CHN2: variants seen among roughly 807,000 people sequenced by gnomAD.
CHN2 encodes the protein chimerin 2, also known as beta-chimaerin.
A neutral mutation model predicts 56.3 loss-of-function variants in CHN2; 35 were observed. That is an observed-to-expected ratio of 0.62 (90% CI 0.47 to 0.82). The LOEUF (loss-of-function observed/expected upper bound fraction) is 0.82. Among genes scored for constraint, CHN2 ranks in the 40% least tolerant of loss-of-function variants. The pLI, the probability that CHN2 is intolerant of heterozygous loss-of-function variation, is 0.00. For missense variants in CHN2, 491 were observed against 580.5 expected, an observed-to-expected ratio of 0.85 and a Z score of 1.58; for synonymous variants, 210 against 212.8, an observed-to-expected ratio of 0.99 and a Z score of 0.12.
intron 1 of CHN2, among the ~76,000 whole-genome samples, chr7:29,292,398 G>T (rs1792708241): frequency 6.6e-6 from 1 of 152,180 alleles, no homozygotes; most frequent in Non-Finnish European, 1.5e-5. Flanking sequence ...AGAAAAAATA[G>T]TTAAAAGGAC....
intron 6 of CHN2, among the ~76,000 whole-genome samples, chr7:29,427,777 C>T (rs543352478): frequency 6.6e-6 from 1 of 151,544 alleles, no homozygotes; most frequent in Non-Finnish European, 1.5e-5. Flanking sequence ...CTGCCTAAGC[C>T]TCCTGAGTAG....
chr7:29,359,359 A>C (rs1798556293), intron 2 of CHN2, among the ~76,000 whole-genome samples: 1 of 152,210 alleles, frequency 6.6e-6, no homozygotes, highest in Non-Finnish European at 1.5e-5. Flanking sequence ...TCAATATTTT[A>C]TATAAATTAT....
At position 29,513,318 on chromosome 7, in the gene CHN2, CAGT is replaced by C. The variant is rs1312561250; in HGVS notation, c.*584_*586del. On this transcript the variant is annotated 3_prime_UTR_variant, in exon 13 of 13. Coordinates refer to ENST00000222792, the MANE Select transcript of CHN2 (RefSeq NM_004067.4). The stretch of plus-strand genomic sequence containing the variant: ...TATCTTGACATACCTCTGTCCTCCT[CAGT>C]GCTTTTTAATGAAATTTCACCTGCC... The C allele has an allele frequency of 6.5e-6, 1 of 152,730 alleles. No homozygotes were observed. Among genetic ancestry groups the C allele is most frequent in the African/African-American group, 2.4e-5 (1 of 41,454 alleles). 9.5% of individuals were successfully genotyped at this position (152,730 alleles called of 1,614,324 possible).
chr7:29,376,853 T>C (rs1405568860), intron 3 of CHN2, among the ~76,000 whole-genome samples: 1 of 152,212 alleles, frequency 6.6e-6, no homozygotes, highest in African/African-American at 2.4e-5. Flanking sequence ...TGTACTCTTT[T>C]ATGTTGCAGA....
intron 6 of CHN2, among the ~76,000 whole-genome samples, chr7:29,429,924 G>A (rs1278017780): frequency 6.6e-6 from 1 of 152,172 alleles, no homozygotes; most frequent in Non-Finnish European, 1.5e-5. Context: ...TTCATATGCT[G>A]TTTGTGTTAT....
chr7:29,383,505 G>C (rs1485336847), intron 3 of CHN2, among the ~76,000 whole-genome samples: 2 of 152,204 alleles, frequency 1.3e-5, no homozygotes, highest in Non-Finnish European at 2.9e-5. Context: ...CAGTCATTGA[G>C]TCAAAGGCTA....
intron 1 of CHN2, among the ~76,000 whole-genome samples, chr7:29,297,271 A>AC (rs1045185664): frequency 1.7e-4 from 26 of 151,808 alleles, no homozygotes; most frequent in African/African-American, 6.1e-4. Context: ...CTGTGGCCTC[A>AC]CCCCCCATTC....
At chr7:29,203,369 A>C (rs1422362504) in intron 1 of CHN2, among the ~76,000 whole-genome samples, 1 of 146,832 alleles carries the variant, frequency 6.8e-6, no homozygotes, top group Non-Finnish European at 1.5e-5. Context: ...CAGGAGGCTG[A>C]GGCACAAGAA....
intron 6 of CHN2, among the ~76,000 whole-genome samples, chr7:29,474,542 A>T (rs1219545818): frequency 6.6e-6 from 1 of 152,156 alleles, no homozygotes; most frequent in Non-Finnish European, 1.5e-5. Context: ...CACCCTCATC[A>T]TCATTCGTAA....
intron 9 of CHN2, among the ~76,000 whole-genome samples, chr7:29,501,799 C>G (rs894301365): frequency 2.0e-5 from 3 of 152,154 alleles, no homozygotes; most frequent in African/African-American, 7.2e-5. Flanking sequence ...CATAAAAAAT[C>G]CTTATTGTTC....
At chr7:29,192,357 T>C (rs1404906919), upstream of CHN2, 1 of 152,190 alleles carries the variant, frequency 6.6e-6, no homozygotes, top group Non-Finnish European at 1.5e-5. Context: ...CTTTACTTTC[T>C]CCAGTTAAAA....
Position 29,194,863 on chromosome 7 carries a change from T to G in CHN2, c.-79T>G. The G allele has an allele frequency of 7.7e-7, 1 of 1,297,944 alleles. No individual in the cohort carries two copies. The allele number at this position is 1,297,944 out of a possible 1,614,324, so 80.4% of individuals were successfully genotyped here. A position where few individuals can be genotyped will look rare whatever the true frequency, so the allele number is the denominator to read the frequency against. On this transcript the variant is annotated 5_prime_UTR_variant, in exon 1 of 13. Coordinates refer to ENST00000222792, the MANE Select transcript of CHN2 (RefSeq NM_004067.4). Reference sequence around the variant, plus strand: ...GCCATGGGCTGGGGGCCGCGGAGGCTGCGAGCGGCCGGGCGAGGGCAGCGG... The same window carrying G: ...GCCATGGGCTGGGGGCCGCGGAGGCGGCGAGCGGCCGGGCGAGGGCAGCGG...
chr7:29,469,965 G>A (rs1785890875), intron 6 of CHN2, among the ~76,000 whole-genome samples: 1 of 152,134 alleles, frequency 6.6e-6, no homozygotes, highest in Non-Finnish European at 1.5e-5. Flanking sequence ...AGGGAGAGAA[G>A]GAAGGAAGGA....
intron 1 of CHN2, among the ~76,000 whole-genome samples, chr7:29,311,646 T>C (rs1794611187): frequency 3.3e-5 from 5 of 152,218 alleles, no homozygotes; most frequent in Admixed American, 2.6e-4. Context: ...CTTCTCATAT[T>C]TCTAAGGTCT....
intron 1 of CHN2, among the ~76,000 whole-genome samples, chr7:29,280,811 T>C (rs534352581): frequency 1.3e-5 from 2 of 152,188 alleles, no homozygotes; most frequent in South Asian, 4.1e-4. Context: ...AAAGTATCTG[T>C]AGGGGCCAGG....
chr7:29,426,970 C>T (rs1453687596), intron 6 of CHN2, among the ~76,000 whole-genome samples: 3 of 152,176 alleles, frequency 2.0e-5, no homozygotes, highest in Non-Finnish European at 4.4e-5. Flanking sequence ...CTCTTAATCT[C>T]TCTGACTTCT....
intron 6 of CHN2, among the ~76,000 whole-genome samples, chr7:29,441,348 AAAGAAAACATTTCTTTG>A (rs1345075378): frequency 6.9e-6 from 1 of 145,578 alleles, no homozygotes; most frequent in African/African-American, 2.8e-5. Context: ...TGAAGACTTA[AAAGAAAACATTTCTTTG>A]AAGAAAACAA....
intron 1 of CHN2, among the ~76,000 whole-genome samples, chr7:29,249,888 A>T (rs1245580645): frequency 1.3e-5 from 2 of 152,254 alleles, no homozygotes; most frequent in Non-Finnish European, 2.9e-5. Context: ...TTCTTTAAAA[A>T]TTTAAAAATG....
chr7:29,224,963 G>T (rs1384417000), intron 1 of CHN2, among the ~76,000 whole-genome samples: 1 of 152,150 alleles, frequency 6.6e-6, no homozygotes, highest in Non-Finnish European at 1.5e-5. Flanking sequence ...GATAAAGGCA[G>T]ATTTCCATTC....
Sources: gnomAD v4.1 joint callset for allele counts (sites outside exome capture counted in the v4.1 genomes callset) on GRCh38, gnomAD v4.1.1 for gene constraint, MANE v1.5 for transcripts, NCBI Gene and HGNC (gene_info 2026-07-23, HGNC 2026-07-21) for gene names.